CHRNA6: variants seen among roughly 807,000 people sequenced by gnomAD.
The protein encoded by CHRNA6 is cholinergic receptor nicotinic alpha 6 subunit, also known as neuronal acetylcholine receptor subunit alpha-6.
A neutral mutation model predicts 40.9 loss-of-function variants in CHRNA6; 31 were observed. The observed-to-expected ratio is 0.76, with a 90% confidence interval of 0.57 to 1.02. The LOEUF (loss-of-function observed/expected upper bound fraction) is 1.02, where lower values mean the gene tolerates loss of function less well. Ranked by LOEUF, CHRNA6 falls within the 50% of genes least tolerant of loss-of-function variation. CHRNA6 has a pLI of 0.00. For synonymous variants in CHRNA6, 222 were observed against 221.3 expected, an observed-to-expected ratio of 1.00 and a Z score of -0.03; for missense variants, 546 against 596.6, an observed-to-expected ratio of 0.92 and a Z score of 0.88.
At position 42,753,099 on chromosome 8, in the gene CHRNA6, T is replaced by G; in HGVS notation, c.*80A>C. The G allele has an allele frequency of 7.2e-7, 1 of 1,393,514 alleles. No homozygotes were observed. 86.3% of individuals were successfully genotyped at this position (1,393,514 alleles called of 1,614,324 possible). Reference sequence around the variant, plus strand: ...AGATGGGGGACTTGGGTGGGAAGCCTTTGCTTTCCTTTCCTTGTGGCAGGG... The same window carrying G: ...AGATGGGGGACTTGGGTGGGAAGCCGTTGCTTTCCTTTCCTTGTGGCAGGG... On this transcript the variant is annotated 3_prime_UTR_variant, in exon 6 of 6. Coordinates refer to ENST00000276410, the MANE Select transcript of CHRNA6 (RefSeq NM_004198.3).
At chr8:42,755,041 C>CT (rs561445145) in intron 5 of CHRNA6, among the ~76,000 whole-genome samples, 20,130 of 138,700 alleles carry the variant, frequency 0.15, 1,896 homozygotes, top group African/African-American at 0.24. Context: ...TGTGCAGGGG[C>CT]TTTTTTTTTT....
Position 42,756,601 on chromosome 8 carries a change from A to T in CHRNA6, c.598T>A (p.Phe200Ile). 6.2e-7 allele frequency: 1 copy of T among 1,614,162 alleles called. No homozygotes were observed. The highest frequency in any genetic ancestry group is 1.1e-5 in the South Asian group (1 of 91,086). Residue 200 changes from phenylalanine (F) to isoleucine (I), a missense_variant, in exon 5 of 6, where the codon TTT becomes ATT. This residue lies in a region of CHRNA6 where 476 missense variants were observed against 494.5 expected (regional missense o/e 0.96). Transcript: ENST00000276410. Reference sequence around the variant, plus strand: ...ATTTCCCATTCACTGTTTTCCCAAAAATCATTCATATCCACTTTTGATCCA... The same window carrying T: ...ATTTCCCATTCACTGTTTTCCCAAATATCATTCATATCCACTTTTGATCCA... ...IIGSKVDMND[F>I]WENSEWEIID...
Position 42,759,094 on chromosome 8 carries a change from A to G in CHRNA6, c.239T>C (p.Met80Thr), listed in dbSNP as rs947747542. ...GTGACGCAGCCACAAATTGGTTTCC[A>G]TGATCTGGTTTACTTCATCCTGGGA... Reference protein sequence around the residue: ...LANVDEVNQIMETNLWLRHIW... With the variant: ...LANVDEVNQITETNLWLRHIW... The change falls in exon 3 of 6, where the codon ATG becomes ACG. Residue 80 changes from methionine (M) to threonine (T), a missense_variant. Physicochemically the swap from Met to Thr is moderately conservative, Grantham distance 81. This residue lies in a region of CHRNA6 where 476 missense variants were observed against 494.5 expected (regional missense o/e 0.96). Coordinates refer to ENST00000276410, the MANE Select transcript of CHRNA6 (RefSeq NM_004198.3). 3 of 1,613,496 alleles carry G rather than the reference A, an allele frequency of 1.9e-6. No homozygotes were observed. The highest frequency in any genetic ancestry group is 2.7e-5 in the African/African-American group (2 of 74,926).
Position 42,765,213 on chromosome 8 carries a change from C to T in CHRNA6, c.80-9G>A. On this transcript the variant is annotated splice_polypyrimidine_tract_variant and intron_variant, in intron 1 of 5. Transcript: ENST00000276410. ...TGCACAGCCCACACAGCCTGTGAGG[C>T]CAAACAAAGGGGAGAGTTAGAGCCA... 2 of 1,612,844 alleles carry T rather than the reference C, an allele frequency of 1.2e-6. No homozygotes were observed. The highest frequency in any genetic ancestry group is 1.7e-6 in the Non-Finnish European group (2 of 1,179,296).
chr8:42,762,446 C>T (rs538743147), intron 2 of CHRNA6, among the ~76,000 whole-genome samples: 12 of 152,166 alleles, frequency 7.9e-5, no homozygotes, highest in African/African-American at 2.2e-4. Context: ...GTCAGGAGTT[C>T]GAGACCAGCC....
chr8:42,757,641 GA>G (rs1313992534), intron 3 of CHRNA6, among the ~76,000 whole-genome samples: 14 of 151,028 alleles, frequency 9.3e-5, no homozygotes, highest in African/African-American at 3.4e-4. Flanking sequence ...GCTGAGGCAG[GA>G]GAATGGCATG....
intron 2 of CHRNA6, among the ~76,000 whole-genome samples, chr8:42,760,622 GCA>G (rs1481135425): frequency 2.0e-5 from 3 of 151,908 alleles, no homozygotes; most frequent in East Asian, 3.9e-4. Flanking sequence ...ACACACTCAT[GCA>G]CACACACTCA....
At chr8:42,760,669 C>T (rs952173174) in intron 2 of CHRNA6, among the ~76,000 whole-genome samples, 1 of 152,206 alleles carries the variant, frequency 6.6e-6, no homozygotes, top group African/African-American at 2.4e-5. Context: ...CACATGTGCA[C>T]ATGATCTCAG....
At chr8:42,759,025 A>C (rs774052989) in intron 3 of CHRNA6, 44 bp downstream of exon 3, 4 of 1,475,698 alleles carry the variant, frequency 2.7e-6, no homozygotes, top group Non-Finnish European at 3.8e-6. Context: ...TGTGGGTTTT[A>C]TCCATTCAAC....
chr8:42,756,892 C>G, intron 4 of CHRNA6, 36 bp downstream of exon 4: 1 of 1,610,974 alleles, frequency 6.2e-7, no homozygotes, highest in Non-Finnish European at 8.5e-7. Context: ...CCAACAGCAG[C>G]TTTGGAAAGA....
Position 42,759,079 on chromosome 8 carries a change from C to CACAAATTGGTTT in CHRNA6, c.242_253dup (p.Leu84_Trp85insTer), listed in dbSNP as rs1191400306. On this transcript the variant is annotated stop_gained, in exon 3 of 6. Coordinates refer to ENST00000276410, the MANE Select transcript of CHRNA6 (RefSeq NM_004198.3). LOFTEE classifies it high-confidence loss of function. ...GATATAGGCACATACGTGACGCAGC[C>CACAAATTGGTTT]ACAAATTGGTTTCCATGATCTGGTT... is the stretch of plus-strand genomic sequence containing the variant. 2.5e-6 allele frequency: 4 copies of CACAAATTGGTTT among 1,613,280 alleles called. No individual in the cohort carries two copies. Among genetic ancestry groups the CACAAATTGGTTT allele is most frequent in the Non-Finnish European group, 3.4e-6 (4 of 1,179,366 alleles).
intron 2 of CHRNA6, 32 bp from the exon 3 acceptor site, chr8:42,759,145 A>G (rs1200882662): frequency 6.3e-7 from 1 of 1,588,806 alleles, no homozygotes; most frequent in African/African-American, 1.3e-5. Context: ...TTTAGCCTCA[A>G]ATGTGCTTGC....
At chr8:42,767,546 C>T (rs1389734006) in intron 1 of CHRNA6, among the ~76,000 whole-genome samples, 1 of 152,174 alleles carries the variant, frequency 6.6e-6, no homozygotes, top group Non-Finnish European at 1.5e-5. Flanking sequence ...AAAAGCTCAT[C>T]AGGCAACATA....
At chr8:42,766,519 A>AGAGAAAG (rs1563627472) in intron 1 of CHRNA6, among the ~76,000 whole-genome samples, 1 of 151,988 alleles carries the variant, frequency 6.6e-6, no homozygotes, top group Non-Finnish European at 1.5e-5. Flanking sequence ...AGAAAGAAAG[A>AGAGAAAG]AAATGTGGTA....
rs1253951370 is a variant in CHRNA6 at position 42,753,175 on chromosome 8, C to G, written c.*4G>C. 1.5e-5 allele frequency: 24 copies of G among 1,589,198 alleles called. No individual in the cohort carries two copies. The highest frequency in any genetic ancestry group is 2.0e-5 in the Non-Finnish European group (23 of 1,173,856). ...AAATTTCTGAACATAAAAGAAAATACATTTTAAGATTTTCCTGTGTTCCCA... is the reference window on the plus strand; with the variant it reads ...AAATTTCTGAACATAAAAGAAAATAGATTTTAAGATTTTCCTGTGTTCCCA... On this transcript the variant is annotated 3_prime_UTR_variant, in exon 6 of 6. Transcript: ENST00000276410.
intron 3 of CHRNA6, among the ~76,000 whole-genome samples, chr8:42,757,444 G>C (rs1459683621): frequency 6.6e-6 from 1 of 151,858 alleles, no homozygotes; most frequent in Non-Finnish European, 1.5e-5. Context: ...AATACATTTG[G>C]CCAGGCGTGG....
In CHRNA6 at chr8:42,753,182, A is replaced by G; in HGVS notation, c.1482T>C (p.Ser494=). ...LQPLLGNTGK[S] is the part of the protein sequence containing the mutation. ...TGAACATAAAAGAAAATACATTTTA[A>G]GATTTTCCTGTGTTCCCAAGTAGTG... The change falls in exon 6 of 6, where the codon TCT becomes TCC. Residue 494 remains serine (S), a synonymous_variant. Transcript: ENST00000276410. 1 of 1,591,478 alleles carries G rather than the reference A, an allele frequency of 6.3e-7. No homozygotes were observed. Among genetic ancestry groups the G allele is most frequent in the East Asian group, 2.2e-5 (1 of 44,756 alleles).
chr8:42,764,459 C>A (rs1816945481), intron 2 of CHRNA6, among the ~76,000 whole-genome samples: 1 of 151,964 alleles, frequency 6.6e-6, no homozygotes, highest in Admixed American at 6.6e-5. Flanking sequence ...TCCCTAGTAG[C>A]AGGAGCTACA....
chr8:42,756,421 A>G lies in CHRNA6; in HGVS notation c.778T>C (p.Leu260=). ...PCLFISFLTV[L]VFYLPSDCGE... ...CAGTCCGAAGGAAGGTAAAAGACCA[A>G]CACGGTTAGAAATGAAATAAAGAGA... is the stretch of plus-strand genomic sequence containing the variant. Residue 260 remains leucine (L), a synonymous_variant, in exon 5 of 6, where the codon TTG becomes CTG. Coordinates refer to ENST00000276410, the MANE Select transcript of CHRNA6 (RefSeq NM_004198.3). The G allele has an allele frequency of 1.2e-6, 2 of 1,614,268 alleles. No homozygotes were observed. The highest frequency in any genetic ancestry group is 1.7e-6 in the Non-Finnish European group (2 of 1,180,040).
Sources: allele counts gnomAD v4.1 joint callset (sites outside exome capture counted in the v4.1 genomes callset), GRCh38; gene constraint gnomAD v4.1.1; regional missense constraint gnomAD v4.1.1; transcripts MANE v1.5; gene names NCBI Gene and HGNC (gene_info 2026-07-23, HGNC 2026-07-21).